ETAA1: variants seen among roughly 807,000 people sequenced by gnomAD.
The protein encoded by ETAA1 is ETAA1 activator of ATR kinase.
In ETAA1, 49 loss-of-function variants were observed where a neutral mutation model predicts 76.8. That is an observed-to-expected ratio of 0.64 (90% CI 0.51 to 0.81). The LOEUF (loss-of-function observed/expected upper bound fraction) is 0.81. Ranked by LOEUF, ETAA1 falls within the 30% of genes least tolerant of loss-of-function variation. The probability of loss-of-function intolerance (pLI) is 0.00; values close to 1 mark genes in which losing one functional copy is unlikely to be tolerated. For missense variants in ETAA1, 1,099 were observed against 1,074.0 expected, an observed-to-expected ratio of 1.02 and a Z score of -0.32; for synonymous variants, 373 against 372.2, an observed-to-expected ratio of 1.00 and a Z score of -0.03.
At position 67,405,062 on chromosome 2, in the gene ETAA1, T is replaced by C. The variant is rs758407178; in HGVS notation, c.2380T>C (p.Leu794=). The C allele has an allele frequency of 5.6e-6, 9 of 1,611,986 alleles. No homozygotes were observed. The highest frequency in any genetic ancestry group is 2.2e-5 in the South Asian group (2 of 90,926). The change falls in exon 5 of 6, where the codon TTG becomes CTG. Residue 794 remains leucine, a synonymous_variant. Transcript: ENST00000272342. ...NTEITTYKKK[L]STNQPCHKTV... ...AGAAATTACTACTTATAAGAAGAAA[T>C]TGAGTACTAATCAGCCATGCCATAA...
At chr2:67,400,594 A>C (rs1676027545) in intron 3 of ETAA1, 1 of 152,194 alleles carries the variant, frequency 6.6e-6, no homozygotes, top group South Asian at 2.1e-4. Context: ...CAATACGTGA[A>C]ACTGTTCTGA....
rs1209410998 is a variant in ETAA1, at chr2:67,403,857, T to G, written c.1175T>G (p.Phe392Cys). 1.2e-6 allele frequency: 2 copies of G among 1,613,096 alleles called. No homozygotes were observed. Among genetic ancestry groups the G allele is most frequent in the Middle Eastern group, 1.6e-4 (1 of 6,082 alleles). The change falls in exon 5 of 6, where the codon TTT becomes TGT. Residue 392 changes from phenylalanine to cysteine, a missense_variant. Phe to Cys is a radical substitution (Grantham distance 205). Around this residue, in one of 3 missense-constraint regions of ETAA1, gnomAD observed 761 missense variants for 731.9 expected, o/e 1.04. Coordinates refer to ENST00000272342, the MANE Select transcript of ETAA1 (RefSeq NM_019002.4). Reference protein sequence around the residue: ...DWENLLGSEPFAMQNIDMPEL... With the variant: ...DWENLLGSEPCAMQNIDMPEL... ...GAAAACTTACTAGGTAGTGAACCTTTTGCTATGCAAAATATCGACATGCCT... is the reference window on the plus strand; with the variant it reads ...GAAAACTTACTAGGTAGTGAACCTTGTGCTATGCAAAATATCGACATGCCT...
rs915928097 is a variant in ETAA1, at chr2:67,405,120, A to C, written c.2438A>C (p.Asn813Thr). The stretch of plus-strand genomic sequence containing the variant: ...ACAGATGAAGCTCAGAGCAACCTTA[A>C]CACAACAGTTGGATTTTCAAAGTTT... ...TVTDEAQSNLNTTVGFSKFTF... is the reference protein window; with the variant it reads ...TVTDEAQSNLTTTVGFSKFTF... The change falls in exon 5 of 6, where the codon AAC becomes ACC. Residue 813 changes from asparagine (N) to threonine (T), a missense_variant. Asn to Thr is a moderately conservative substitution (Grantham distance 65, BLOSUM62 0). This residue lies in a region of ETAA1 where 302 missense variants were observed against 278.1 expected (regional missense o/e 1.09). Transcript: ENST00000272342. 1.9e-6 allele frequency: 3 copies of C among 1,612,624 alleles called. No individual in the cohort carries two copies. Among genetic ancestry groups the C allele is most frequent in the Non-Finnish European group, 2.5e-6 (3 of 1,179,238 alleles).
At chr2:67,399,978 T>C (rs1001348797) in intron 3 of ETAA1, among the ~76,000 whole-genome samples, 4 of 152,184 alleles carry the variant, frequency 2.6e-5, no homozygotes, top group Non-Finnish European at 4.4e-5. Flanking sequence ...TATACTTCTA[T>C]GATTGTTTTG....
Position 67,397,538 on chromosome 2 carries a change from C to G in ETAA1, c.90C>G (p.Val30=), listed in dbSNP as rs368629531. Residue 30 remains valine, a synonymous_variant, in exon 1 of 6, where the codon GTC becomes GTG. Transcript: ENST00000272342. ...TVAAEECGSV[V]EPGRRRLRSA... is the part of the protein sequence containing the mutation. ...CGGCGGAGGAATGCGGCTCGGTGGT[C>G]GAGCCAGGGAGGAGGCGGCTGAGAT... is the stretch of plus-strand genomic sequence containing the variant. 3.8e-6 allele frequency: 6 copies of G among 1,584,452 alleles called. No homozygotes were observed. The highest frequency in any genetic ancestry group is 4.3e-6 in the Non-Finnish European group (5 of 1,165,732).
rs771948974 is a variant in ETAA1, at chr2:67,404,009, G to A, written c.1327G>A (p.Val443Ile). Residue 443 changes from valine (V) to isoleucine (I), a missense_variant, in exon 5 of 6, where the codon GTA becomes ATA. Val to Ile is a conservative substitution (Grantham distance 29). Transcript: ENST00000272342. The part of the protein sequence containing the change: ...SPDARLGDSK[V>I]LQDLSSKTYD... ...AGATGCCAGGTTAGGAGATTCAAAA[G>A]TATTACAAGATCTTTCTTCAAAGAC... 1.2e-6 allele frequency: 2 copies of A among 1,607,624 alleles called. No individual in the cohort carries two copies. The highest frequency in any genetic ancestry group is 1.3e-5 in the African/African-American group (1 of 74,456).
chr2:67,407,251 A>AG (rs1179505977), intron 5 of ETAA1, among the ~76,000 whole-genome samples: 2 of 151,630 alleles, frequency 1.3e-5, no homozygotes, highest in African/African-American at 4.8e-5. Context: ...TGAACTAAAA[A>AG]AAAAAAAAAA....
intron 5 of ETAA1, among the ~76,000 whole-genome samples, chr2:67,408,642 T>C (rs1676283455): frequency 6.6e-6 from 1 of 152,158 alleles, no homozygotes; most frequent in Non-Finnish European, 1.5e-5. Flanking sequence ...ATTTTTATTA[T>C]AGATTGAGTT....
Position 67,397,399 on chromosome 2 carries a change from C to T in ETAA1, c.-50C>T, listed in dbSNP as rs1410606589. On this transcript the variant is annotated 5_prime_UTR_variant, in exon 1 of 6. Coordinates refer to ENST00000272342, the MANE Select transcript of ETAA1 (RefSeq NM_019002.4). ...TGTAGTGCTGTTGCCCTACTCATCCCTTTGCAAAATGTGAAAGAAGAAGCG... is the reference window on the plus strand; with the variant it reads ...TGTAGTGCTGTTGCCCTACTCATCCTTTTGCAAAATGTGAAAGAAGAAGCG... 6.5e-7 allele frequency: 1 copy of T among 1,543,660 alleles called. No individual in the cohort carries two copies. The highest frequency in any genetic ancestry group is 8.8e-7 in the Non-Finnish European group (1 of 1,139,382).
rs201056460 is a variant in ETAA1, at chr2:67,403,239, G to A, written c.557G>A (p.Ser186Asn). 1.3e-6 allele frequency: 2 copies of A among 1,562,388 alleles called. No homozygotes were observed. The highest frequency in any genetic ancestry group is 4.5e-5 in the East Asian group (2 of 44,522). Residue 186 changes from serine (S) to asparagine (N), a missense_variant, in exon 5 of 6, where the codon AGT becomes AAT. Physicochemically the swap from Ser to Asn is conservative, Grantham distance 46. This residue lies in a region of ETAA1 where 761 missense variants were observed against 731.9 expected (regional missense o/e 1.04). Transcript: ENST00000272342. ...KISCTKLKTQ[S>N]QEEELMKLAK... The stretch of plus-strand genomic sequence containing the variant: ...TTGTTTAATAGGTTAAAAACACAAA[G>A]TCAAGAAGAAGAACTTATGAAACTG...
intron 5 of ETAA1, among the ~76,000 whole-genome samples, chr2:67,409,053 C>G (rs1419219862): frequency 6.6e-6 from 1 of 151,872 alleles, no homozygotes; most frequent in Non-Finnish European, 1.5e-5. Context: ...GCCTGAATAC[C>G]CCCTCCCATT....
intron 3 of ETAA1, among the ~76,000 whole-genome samples, chr2:67,400,130 C>A (rs1172180955): frequency 1.3e-5 from 2 of 152,128 alleles, no homozygotes; most frequent in Non-Finnish European, 2.9e-5. Flanking sequence ...TGCTGTGTGA[C>A]CCAGTGCAAG....
rs757709649 is a variant in ETAA1, at chr2:67,410,021, CCCACTT to C, written c.2766_2771del (p.Thr923_Ser924del). The stretch of plus-strand genomic sequence containing the variant: ...ACGAGCCTCATCTGTAAATGCAGCT[CCCACTT>C]CATTTCTTTAATGAAATATTAGTTG... On this transcript the variant is annotated inframe_deletion, in exon 6 of 6. Transcript: ENST00000272342. The C allele has an allele frequency of 1.2e-6, 2 of 1,604,652 alleles. No homozygotes were observed. The highest frequency in any genetic ancestry group is 2.3e-5 in the South Asian group (2 of 88,816).
At position 67,403,714 on chromosome 2, in the gene ETAA1, T is replaced by G. The variant is rs140496163; in HGVS notation, c.1032T>G (p.Ser344=). The G allele has an allele frequency of 1.8e-3, 2,931 of 1,613,496 alleles. 5 individuals carry two copies. Among genetic ancestry groups the G allele is most frequent in the Non-Finnish European group, 2.2e-3 (2,591 of 1,179,504 alleles). ...CAAATAAAACCCCACGATCACTTTC[T>G]TCTCAAGTAGATACACCCATAATGA... ...KLSNKTPRSL[S]SQVDTPIMTK... The change falls in exon 5 of 6, where the codon TCT becomes TCG. Residue 344 remains serine (S), a synonymous_variant. Coordinates refer to ENST00000272342, the MANE Select transcript of ETAA1 (RefSeq NM_019002.4).
At position 67,399,186 on chromosome 2, in the gene ETAA1, A is replaced by G. The variant is rs1056161260; in HGVS notation, c.241A>G (p.Lys81Glu). ...SNPEERYETP[K>E]RALKMDSLSS... ...TTATATAGAAAGGTATGAAACACCA[A>G]AGAGAGCGCTGAAAATGGACTCACT... Residue 81 changes from lysine (K) to glutamate (E), a missense_variant, in exon 2 of 6, where the codon AAG becomes GAG. Lys to Glu is a moderately conservative substitution (Grantham distance 56, BLOSUM62 1). Coordinates refer to ENST00000272342, the MANE Select transcript of ETAA1 (RefSeq NM_019002.4). The G allele has an allele frequency of 5.6e-6, 9 of 1,612,890 alleles. No individual in the cohort carries two copies. Among genetic ancestry groups the G allele is most frequent in the Non-Finnish European group, 5.9e-6 (7 of 1,179,434 alleles).
chr2:67,399,430 A>G (rs1191200334), intron 2 of ETAA1, 120 bp from the exon 3 acceptor site: 4 of 1,099,470 alleles, frequency 3.6e-6, no homozygotes, highest in Admixed American at 2.4e-5. Flanking sequence ...TAAGTATGTG[A>G]TGTAAACACA....
At chr2:67,403,094 T>G (rs570806075) in intron 4 of ETAA1, 120 bp downstream of exon 4, 2 of 1,138,168 alleles carry the variant, frequency 1.8e-6, no homozygotes, top group Non-Finnish European at 2.4e-6. Flanking sequence ...ACAGTTTTGA[T>G]CTATCAAATT....
In ETAA1 at chr2:67,399,613, G is replaced by A; in HGVS notation, c.416G>A (p.Arg139His). 5 of 1,605,384 alleles carry A rather than the reference G, an allele frequency of 3.1e-6. No homozygotes were observed. The highest frequency in any genetic ancestry group is 2.2e-5 in the East Asian group (1 of 44,630). The part of the protein sequence containing the change: ...DSDEISHIVN[R>H]IAPQDEKPTT... Reference sequence around the variant, plus strand: ...GATGAGATTTCACATATTGTTAATCGTATTGCTCCTCAGGTAAATATCACT... The same window carrying A: ...GATGAGATTTCACATATTGTTAATCATATTGCTCCTCAGGTAAATATCACT... Residue 139 changes from arginine to histidine, a missense_variant, in exon 3 of 6, where the codon CGT becomes CAT. Around this residue, in one of 3 missense-constraint regions of ETAA1, gnomAD observed 761 missense variants for 731.9 expected, o/e 1.04. Transcript: ENST00000272342.
chr2:67,409,757 T>C (rs1363426562), intron 5 of ETAA1, among the ~76,000 whole-genome samples, 154 bp from the exon 6 acceptor site: 1 of 151,970 alleles, frequency 6.6e-6, no homozygotes, highest in African/African-American at 2.4e-5. Flanking sequence ...ATATCTGTAT[T>C]ATGTACTTAG....
Sources: gnomAD v4.1 joint callset for allele counts (sites outside exome capture counted in the v4.1 genomes callset) on GRCh38, gnomAD v4.1.1 for gene constraint, gnomAD v4.1.1 regional missense constraint, MANE v1.5 for transcripts, NCBI Gene and HGNC (gene_info 2026-07-23, HGNC 2026-07-21) for gene names.